The following FHL2 variants were observed in gnomAD, a reference collection of about 807,000 sequenced individuals.
The protein encoded by FHL2 is four and a half LIM domains protein 2.
Under a neutral mutation model 32.7 loss-of-function variants are expected in FHL2, and 20 were observed. That is an observed-to-expected ratio of 0.61 (90% confidence interval 0.43 to 0.89). FHL2 has a LOEUF of 0.89. Among genes scored for constraint, FHL2 ranks in the 40% least tolerant of loss-of-function variants. FHL2 has a pLI of 0.00. For synonymous variants in FHL2, 123 were observed against 128.1 expected (o/e 0.96, Z 0.27); for missense variants, 311 against 358.6 (o/e 0.87, Z 1.07).
Position 105,367,570 on chromosome 2 carries a change from C to G in FHL2, c.501G>C (p.Lys167Asn). 6.2e-7 allele frequency: 1 copy of G among 1,611,218 alleles called. No homozygotes were observed. Among genetic ancestry groups the G allele is most frequent in the Non-Finnish European group, 8.5e-7 (1 of 1,178,248 alleles). Residue 167 changes from lysine (K) to asparagine (N), a missense_variant and splice_region_variant, in exon 5 of 7, where the codon AAG (lysine) becomes AAC (asparagine). Transcript: ENST00000530340. ...AGGGCCAAGGGGGCATCTGAGATAC[C>G]TTTTTGCACTGAACGCACTGCATGG... is the stretch of plus-strand genomic sequence containing the variant. ...QHAMQCVQCK[K>N]PITTGGVTYR...
chr2:105,432,275 A>C (rs1262011646), intron 1 of FHL2, among the ~76,000 whole-genome samples: 1 of 152,222 alleles, frequency 6.6e-6, no homozygotes, highest in East Asian at 1.9e-4. Context: ...GTAGAGAAAC[A>C]GGGACCTAAA....
intron 1 of FHL2, among the ~76,000 whole-genome samples, chr2:105,430,475 G>C (rs778238776): frequency 6.6e-6 from 1 of 152,106 alleles, no homozygotes; most frequent in Non-Finnish European, 1.5e-5. Context: ...GAGACCAGCC[G>C]GGCCAACATG....
intron 1 of FHL2, among the ~76,000 whole-genome samples, chr2:105,409,875 A>G (rs1036127827): frequency 2.0e-5 from 3 of 152,206 alleles, no homozygotes; most frequent in African/African-American, 7.2e-5. Flanking sequence ...TTGCCCTAGC[A>G]TCTCCGCCAG....
chr2:105,386,616 C>T (rs999726215), intron 2 of FHL2, 76 bp from the exon 3 acceptor site: 5 of 1,293,614 alleles, frequency 3.9e-6, no homozygotes, highest in Admixed American at 3.9e-5. Context: ...ATTAACTGTC[C>T]CACTGTCTGT....
chr2:105,420,288 C>T (rs975560757), intron 1 of FHL2, among the ~76,000 whole-genome samples: 2 of 152,148 alleles, frequency 1.3e-5, no homozygotes, highest in African/African-American at 4.8e-5. Flanking sequence ...AGACTCACTT[C>T]CCTGATCTCT....
intron 1 of FHL2, among the ~76,000 whole-genome samples, chr2:105,436,435 A>C (rs1684614073): frequency 6.6e-6 from 1 of 152,216 alleles, no homozygotes; most frequent in Non-Finnish European, 1.5e-5. Context: ...TATGTTGACT[A>C]AACAAATTGG....
intron 6 of FHL2, 50 bp downstream of exon 6, chr2:105,363,235 T>A: frequency 1.3e-6 from 2 of 1,588,020 alleles, no homozygotes; most frequent in Non-Finnish European, 1.7e-6. Flanking sequence ...ATGCTAGGCC[T>A]TGTTCAAGCT....
At chr2:105,423,460 T>G (rs1684166535) in intron 1 of FHL2, among the ~76,000 whole-genome samples, 1 of 152,232 alleles carries the variant, frequency 6.6e-6, no homozygotes, top group African/African-American at 2.4e-5. Context: ...TTTATACTTC[T>G]AACAGTATTT....
intron 3 of FHL2, chr2:105,378,205 G>A (rs2104553777): frequency 2.1e-6 from 1 of 470,570 alleles, no homozygotes; most frequent in South Asian, 1.6e-5. Context: ...AATATTTATG[G>A]CACAAAAATG....
In FHL2 at chr2:105,384,845, G is replaced by A. The variant is rs560030730; in HGVS notation, c.156+1516C>T. On this transcript the variant is annotated intron_variant, in intron 3 of 6. Coordinates refer to ENST00000530340, the MANE Select transcript of FHL2 (RefSeq NM_001318895.3). ...ATTTTATAGATGTGGAGATGTGCAC[G>A]GAAGGGTCAAGTAACTGACCCAAGG... Among the ~76,000 whole-genome samples the A allele has an allele frequency of 1.4e-4, 21 of 152,278 alleles. 1 individual carries two copies. Among genetic ancestry groups the A allele is most frequent in the Admixed American group, 1.2e-3 (18 of 15,294 alleles).
intron 3 of FHL2, among the ~76,000 whole-genome samples, chr2:105,384,112 C>T (rs1391173236): frequency 6.6e-6 from 1 of 152,152 alleles, no homozygotes; most frequent in Admixed American, 6.5e-5. Context: ...TTATTTCAGC[C>T]ACTGGTCAGG....
intron 3 of FHL2, chr2:105,386,128 TTA>T: frequency 2.1e-6 from 1 of 477,382 alleles, no homozygotes; most frequent in Non-Finnish European, 3.7e-6. Context: ...GAAAATGTAC[TTA>T]GAGATACTAA....
chr2:105,365,657 A>G (rs1189938299), intron 5 of FHL2, among the ~76,000 whole-genome samples: 7 of 150,856 alleles, frequency 4.6e-5, no homozygotes, highest in Non-Finnish European at 1.5e-5. Context: ...CAACAAAGTG[A>G]GACACCGTCT....
chr2:105,428,438 C>T (rs1182366711), intron 1 of FHL2, among the ~76,000 whole-genome samples: 1 of 152,244 alleles, frequency 6.6e-6, no homozygotes, highest in South Asian at 2.1e-4. Flanking sequence ...CTTGCTCCCT[C>T]CCTGGTGGAT....
chr2:105,411,632 G>T (rs1014078260), intron 1 of FHL2, among the ~76,000 whole-genome samples: 1 of 143,154 alleles, frequency 7.0e-6, no homozygotes, highest in Non-Finnish European at 1.5e-5. Context: ...TTGAGGTCAG[G>T]AATTCAAGAC....
chr2:105,367,444 C>A, intron 5 of FHL2, 126 bp downstream of exon 5: 1 of 922,518 alleles, frequency 1.1e-6, no homozygotes, highest in Non-Finnish European at 1.7e-6. Context: ...TAAGGCAGGA[C>A]AGGCACAGCT....
At position 105,431,503 on chromosome 2, in the gene FHL2, C is replaced by G. The variant is rs183008364; in HGVS notation, c.-25+6896G>C. On this transcript the variant is annotated intron_variant, in intron 1 of 5. Coordinates refer to the FHL2 transcript ENST00000393352. ...CTTGGGGAAGAGTCTGACAGAGATGCCAGCAGGTGCAAATGCCCTGGGGCA... is the reference window on the plus strand; with the variant it reads ...CTTGGGGAAGAGTCTGACAGAGATGGCAGCAGGTGCAAATGCCCTGGGGCA... Among the ~76,000 whole-genome samples the G allele has an allele frequency of 1.9e-3, 289 of 152,288 alleles. 2 individuals are homozygous for G. Among genetic ancestry groups the G allele is most frequent in the African/African-American group, 6.7e-3 (279 of 41,554 alleles).
At chr2:105,373,368 G>T (rs561143981) in intron 4 of FHL2, among the ~76,000 whole-genome samples, 191 bp downstream of exon 4, 1 of 152,180 alleles carries the variant, frequency 6.6e-6, no homozygotes, top group East Asian at 1.9e-4. Context: ...AAAAGATCCC[G>T]TTACTGCCCA....
At chr2:105,405,829 C>T (rs932765012) in intron 1 of FHL2, among the ~76,000 whole-genome samples, 3 of 152,332 alleles carry the variant, frequency 2.0e-5, no homozygotes, top group Admixed American at 6.5e-5. Flanking sequence ...GTGTATGTGG[C>T]CACAGGTAAC....
Sources: allele counts gnomAD v4.1 joint callset (sites outside exome capture counted in the v4.1 genomes callset), GRCh38; gene constraint gnomAD v4.1.1; transcripts MANE v1.5; gene names NCBI Gene and HGNC (gene_info 2026-07-23, HGNC 2026-07-21).